Variants in NOLC1 observed in about 807,000 individuals in gnomAD.
NOLC1 encodes the protein nucleolar and coiled-body phosphoprotein 1.
Under a neutral mutation model 73.4 loss-of-function variants are expected in NOLC1, and 37 were observed. The ratio of observed to expected loss-of-function variants is 0.50; its 90% confidence interval spans 0.39 to 0.66. The LOEUF (loss-of-function observed/expected upper bound fraction) is 0.66, where lower values mean the gene tolerates loss of function less well. Ranked by LOEUF, NOLC1 falls within the 30% of genes least tolerant of loss-of-function variation. The pLI, the probability that NOLC1 is intolerant of heterozygous loss-of-function variation, is 0.00. For synonymous variants in NOLC1, 327 were observed against 302.6 expected, an observed-to-expected ratio of 1.08 and a Z score of -0.84; for missense variants, 921 against 838.9, an observed-to-expected ratio of 1.10 and a Z score of -1.21.
chr10:102,160,393 C>G, intron 9 of NOLC1, 50 bp downstream of exon 9: 1 of 1,613,096 alleles, frequency 6.2e-7, no homozygotes, highest in South Asian at 1.1e-5. Context: ...CAGGCAGCTG[C>G]TAAGGGCTCC....
At position 102,160,271 on chromosome 10, in the gene NOLC1, G is replaced by T; in HGVS notation, c.1027G>T (p.Ala343Ser). 2 of 1,614,174 alleles carry T rather than the reference G, an allele frequency of 1.2e-6. No individual in the cohort carries two copies. Among genetic ancestry groups the T allele is most frequent in the Non-Finnish European group, 1.7e-6 (2 of 1,180,026 alleles). Residue 343 changes from alanine (A) to serine (S), a missense_variant, in exon 9 of 13, where the codon GCA becomes TCA. Ala to Ser is a moderately conservative substitution (Grantham distance 99). Coordinates refer to ENST00000605788, the MANE Select transcript of NOLC1 (RefSeq NM_004741.5). Reference sequence around the variant, plus strand: ...AGAAGAGAAGAAACCCCCAACTAAGGCAGTAGTCTCTAAAGCAACCACTAA... The same window carrying T: ...AGAAGAGAAGAAACCCCCAACTAAGTCAGTAGTCTCTAAAGCAACCACTAA... ...SEEEKKPPTK[A>S]VVSKATTKPP...
chr10:102,154,104 C>T (rs1345847091), intron 1 of NOLC1, among the ~76,000 whole-genome samples: 1 of 136,824 alleles, frequency 7.3e-6, no homozygotes, highest in East Asian at 2.2e-4. Context: ...CGGAGTCTGG[C>T]TCTGTCGCCC....
At chr10:102,155,502 G>A (rs377652081) in intron 1 of NOLC1, among the ~76,000 whole-genome samples, 3 of 149,060 alleles carry the variant, frequency 2.0e-5, no homozygotes, top group Non-Finnish European at 3.0e-5. Context: ...GCGTACCTGC[G>A]CCCGGCCTGA....
chr10:102,162,400 T>C lies in NOLC1; in HGVS notation c.*131T>C. On this transcript the variant is annotated 3_prime_UTR_variant, in exon 13 of 13. Transcript: ENST00000605788. ...AGAAGTTTAGAGTAGGTCCTAAGAC[T>C]TTACAGTGTAACATCCTCTCTGGTC... is the stretch of plus-strand genomic sequence containing the variant. The C allele has an allele frequency of 1.1e-6, 1 of 900,658 alleles. No homozygotes were observed. Among genetic ancestry groups the C allele is most frequent in the Non-Finnish European group, 1.7e-6 (1 of 595,940 alleles). The allele number at this position is 900,658 out of a possible 1,614,324, so 55.8% of individuals were successfully genotyped here.
Position 102,152,576 on chromosome 10 carries a change from G to A in NOLC1, c.120+46G>A, listed in dbSNP as rs771796372. The A allele has an allele frequency of 3.1e-6, 5 of 1,610,680 alleles. No individual in the cohort carries two copies. In the East Asian group the frequency reaches 1.1e-4, roughly 36 times the overall value. On this transcript the variant is annotated intron_variant, in intron 1 of 12. Coordinates refer to ENST00000605788, the MANE Select transcript of NOLC1 (RefSeq NM_004741.5). ...GGGGACCGGGCTGAGATGACCACAA[G>A]GCTTCAGGCCCTGACGTGCTTAGGT... is the stretch of plus-strand genomic sequence containing the variant.
At position 102,162,294 on chromosome 10, in the gene NOLC1, A is replaced by G. The variant is rs758501613; in HGVS notation, c.*25A>G. ...ACCTGAGGCCATCTTCGGTGAAGCAAGGGTGATGATCGGAGACTACTTACT... is the reference window on the plus strand; with the variant it reads ...ACCTGAGGCCATCTTCGGTGAAGCAGGGGTGATGATCGGAGACTACTTACT... On this transcript the variant is annotated 3_prime_UTR_variant, in exon 13 of 13. Transcript: ENST00000605788. The G allele has an allele frequency of 5.0e-6, 8 of 1,610,696 alleles. No homozygotes were observed. In the Admixed American group the frequency reaches 1.2e-4, roughly 24 times the overall value.
chr10:102,161,230 C>A, intron 10 of NOLC1, 137 bp downstream of exon 10: 1 of 893,046 alleles, frequency 1.1e-6, no homozygotes, highest in Non-Finnish European at 1.6e-6. Context: ...GAACAGGAAA[C>A]TGGTTACCTT....
intron 1 of NOLC1, among the ~76,000 whole-genome samples, chr10:102,156,137 G>A (rs765707944): frequency 6.6e-6 from 1 of 152,214 alleles, no homozygotes; most frequent in African/African-American, 2.4e-5. Flanking sequence ...ACTGCATCCC[G>A]CCTGGAGGCT....
At position 102,159,496 on chromosome 10, in the gene NOLC1, A is replaced by G; in HGVS notation, c.787A>G (p.Lys263Glu). ...GAAAGCAGCTACCACCCCTACCCGG[A>G]AGAGTTCTAGCAGTGAGGATTCCTC... ...PVKAATTPTR[K>E]SSSSEDSSSD... Residue 263 changes from lysine to glutamate, a missense_variant, in exon 7 of 13, where the codon AAG becomes GAG. By Grantham distance (56) the Lys-to-Glu change is moderately conservative (BLOSUM62 1). Transcript: ENST00000605788. 1 of 1,614,218 alleles carries G rather than the reference A, an allele frequency of 6.2e-7. No homozygotes were observed.
At chr10:102,153,119 A>G (rs1237959608) in intron 1 of NOLC1, among the ~76,000 whole-genome samples, 1 of 152,102 alleles carries the variant, frequency 6.6e-6, no homozygotes, top group Admixed American at 6.6e-5. Flanking sequence ...AATCAAACAA[A>G]CCTAGGTTTG....
rs1162164094 is a variant in NOLC1 at position 102,162,476 on chromosome 10, C to T, written c.*207C>T. The T allele has an allele frequency of 4.8e-6, 2 of 412,386 alleles. No individual in the cohort carries two copies. The highest frequency in any genetic ancestry group is 8.5e-6 in the Non-Finnish European group (2 of 235,778). The allele number at this position is 412,386 out of a possible 1,614,324, so 25.5% of individuals were successfully genotyped here. ...AGACTTGTTTTTGAGTGTTGAGTAG[C>T]AGGGACAAAATAAGGGAATGTTATT... On this transcript the variant is annotated 3_prime_UTR_variant, in exon 13 of 13. Coordinates refer to ENST00000605788, the MANE Select transcript of NOLC1 (RefSeq NM_004741.5).
At chr10:102,154,557 C>A (rs1320989469) in intron 1 of NOLC1, among the ~76,000 whole-genome samples, 1 of 152,120 alleles carries the variant, frequency 6.6e-6, no homozygotes, top group African/African-American at 2.4e-5. Flanking sequence ...TCACTGTTGC[C>A]CAGGCGGGAG....
In NOLC1 at chr10:102,160,870, A is replaced by T. The variant is rs745975485; in HGVS notation, c.1518A>T (p.Pro506=). The change falls in exon 10 of 13, where the codon CCA becomes CCT. Residue 506 remains proline (P), a synonymous_variant. Coordinates refer to ENST00000605788, the MANE Select transcript of NOLC1 (RefSeq NM_004741.5). ...KVAGGAAPSK[P]ASAKKGKAES... ...CAGGAGGTGCAGCCCCTTCCAAGCC[A>T]GCCTCTGCAAAGAAAGGAAAGGCTG... 1.1e-5 allele frequency: 17 copies of T among 1,614,038 alleles called. No homozygotes were observed. The South Asian group carries it at 1.9e-4, about 18-fold the overall frequency.
In NOLC1 at chr10:102,152,405, T is replaced by G; in HGVS notation, c.-6T>G. On this transcript the variant is annotated 5_prime_UTR_variant, in exon 1 of 13. Coordinates refer to ENST00000605788, the MANE Select transcript of NOLC1 (RefSeq NM_004741.5). Reference sequence around the variant, plus strand: ...GACAACGGTAGTGACGCGTATTGCCTGGAGGATGGCGGACGCCGGCATTCG... The same window carrying G: ...GACAACGGTAGTGACGCGTATTGCCGGGAGGATGGCGGACGCCGGCATTCG... 1 of 1,609,146 alleles carries G rather than the reference T, an allele frequency of 6.2e-7. No homozygotes were observed. The highest frequency in any genetic ancestry group is 1.7e-5 in the Admixed American group (1 of 60,030).
rs1285727736 is a variant in NOLC1 at position 102,163,475 on chromosome 10, T to C, written c.*1206T>C. ...ATGCCCCCTTCAGAACCTTAACTGT[T>C]AGTAGCAGTGGCTGTAACAACACAA... On this transcript the variant is annotated 3_prime_UTR_variant, in exon 13 of 13. Coordinates refer to ENST00000605788, the MANE Select transcript of NOLC1 (RefSeq NM_004741.5). The C allele has an allele frequency of 6.6e-6, 1 of 152,194 alleles. No homozygotes were observed. The highest frequency in any genetic ancestry group is 6.5e-5 in the Admixed American group (1 of 15,282). The allele number at this position is 152,194 out of a possible 1,614,324, so 9.4% of individuals were successfully genotyped here.
At chr10:102,156,491 G>T (rs1466614356) in intron 1 of NOLC1, among the ~76,000 whole-genome samples, 2 of 151,570 alleles carry the variant, frequency 1.3e-5, no homozygotes, top group African/African-American at 4.9e-5. Flanking sequence ...GCAGTGGCGC[G>T]ATCTCCTAGG....
At position 102,162,229 on chromosome 10, in the gene NOLC1, T is replaced by C. The variant is rs1428194098; in HGVS notation, c.2060T>C (p.Ile687Thr). 6.2e-7 allele frequency: 1 copy of C among 1,613,970 alleles called. No individual in the cohort carries two copies. Among genetic ancestry groups the C allele is most frequent in the Non-Finnish European group, 8.5e-7 (1 of 1,180,010 alleles). Residue 687 changes from isoleucine to threonine, a missense_variant, in exon 13 of 13, where the codon ATC becomes ACC. Physicochemically the swap from Ile to Thr is moderately conservative, Grantham distance 89 (BLOSUM62 -1). Transcript: ENST00000605788. ...KKRGSYRGGS[I>T]SVQVNSIKFD... ...CGGGGCAGCTACCGGGGAGGCTCAATCTCTGTCCAGGTCAATTCTATTAAG... is the reference window on the plus strand; with the variant it reads ...CGGGGCAGCTACCGGGGAGGCTCAACCTCTGTCCAGGTCAATTCTATTAAG...
intron 1 of NOLC1, among the ~76,000 whole-genome samples, chr10:102,155,010 C>G (rs1158959464): frequency 6.6e-6 from 1 of 150,484 alleles, no homozygotes; most frequent in Non-Finnish European, 1.5e-5. Flanking sequence ...CATGTACCAC[C>G]ACACCTGGCT....
chr10:102,157,177 C>A lies in NOLC1; in HGVS notation c.177-12C>A, dbSNP rs777605039. ...CCAGTCCCCTAGAAATTGGTCCAATCTACCTCAGCAGGTCTGCCAAGGTCC... is the reference window on the plus strand; with the variant it reads ...CCAGTCCCCTAGAAATTGGTCCAATATACCTCAGCAGGTCTGCCAAGGTCC... On this transcript the variant is annotated splice_polypyrimidine_tract_variant and intron_variant, in intron 2 of 12. Coordinates refer to ENST00000605788, the MANE Select transcript of NOLC1 (RefSeq NM_004741.5). 1.4e-5 allele frequency: 23 copies of A among 1,613,926 alleles called. No individual in the cohort carries two copies. In the South Asian group the frequency reaches 2.5e-4, roughly 18 times the overall value.
Sources: allele counts gnomAD v4.1 joint callset (sites outside exome capture counted in the v4.1 genomes callset), GRCh38; gene constraint gnomAD v4.1.1; transcripts MANE v1.5; gene names NCBI Gene and HGNC (gene_info 2026-07-23, HGNC 2026-07-21).